Variants in PPP2R2B observed in about 807,000 individuals in gnomAD.
The protein encoded by PPP2R2B is serine/threonine-protein phosphatase 2A 55 kDa regulatory subunit B beta isoform.
A neutral mutation model predicts 46.0 loss-of-function variants in PPP2R2B; 5 were observed. The ratio of observed to expected loss-of-function variants is 0.11; its 90% CI spans 0.06 to 0.23. The LOEUF is 0.23. Among genes scored for constraint, PPP2R2B ranks in the 10% least tolerant of loss-of-function variants. The pLI is 1.00. For synonymous variants in PPP2R2B, 215 were observed against 206.7 expected, an observed-to-expected ratio of 1.04 and a Z score of -0.34; for missense variants, 367 against 575.0, an observed-to-expected ratio of 0.64 and a Z score of 3.70.
intron 7 of PPP2R2B, among the ~76,000 whole-genome samples, chr5:146,617,680 ATC>A (rs372446157): frequency 1.9e-4 from 27 of 144,336 alleles, no homozygotes; most frequent in African/African-American, 4.7e-4. Flanking sequence ...GCTTCCTCTC[ATC>A]TCTCTCTCTC....
chr5:146,617,814 C>A (rs981749139), intron 7 of PPP2R2B, among the ~76,000 whole-genome samples: 1 of 152,006 alleles, frequency 6.6e-6, no homozygotes, highest in Non-Finnish European at 1.5e-5. Context: ...TGTGCCTCAG[C>A]CTCCCCAGTA....
rs1019977258 is a variant in PPP2R2B at position 146,697,964 on chromosome 5, A to G, written c.334+15T>C. ...GACTGTATCTCTGAAAATACCAAAC[A>G]GGAATTCCACCTACCATTAGTAGAC... On this transcript the variant is annotated intron_variant, in intron 4 of 9. Coordinates refer to ENST00000394411, the MANE Select transcript of PPP2R2B (RefSeq NM_181675.4). The G allele has an allele frequency of 1.2e-6, 2 of 1,600,132 alleles. No homozygotes were observed. Among genetic ancestry groups the G allele is most frequent in the African/African-American group, 2.7e-5 (2 of 73,932 alleles).
chr5:146,589,133 A>G lies in PPP2R2B; in HGVS notation c.*814T>C, dbSNP rs1209438626. The G allele has an allele frequency of 6.6e-6, 1 of 152,258 alleles. No homozygotes were observed. The highest frequency in any genetic ancestry group is 1.5e-5 in the Non-Finnish European group (1 of 68,078). The allele number at this position is 152,258 out of a possible 1,614,324, so 9.4% of individuals were successfully genotyped here. A position where few individuals can be genotyped will look rare whatever the true frequency, so the allele number is the denominator to read the frequency against. On this transcript the variant is annotated 3_prime_UTR_variant, in exon 10 of 10. Coordinates refer to ENST00000394411, the MANE Select transcript of PPP2R2B (RefSeq NM_181675.4). ...AGAGAAAAAAGCCAAGGAACATGTA[A>G]GTAGAAGATTATATGGAGCCATTTA...
intron 2 of PPP2R2B, among the ~76,000 whole-genome samples, chr5:146,796,734 T>C (rs1371223865): frequency 6.6e-6 from 1 of 152,184 alleles, no homozygotes; most frequent in African/African-American, 2.4e-5. Context: ...GAAGTCTCTG[T>C]TCCCAGTTAC....
intron 1 of PPP2R2B, chr5:146,922,705 C>G (rs1166446915): frequency 6.6e-6 from 1 of 152,194 alleles, no homozygotes; most frequent in South Asian, 2.1e-4. Context: ...GGAGGAAGTA[C>G]ACCCTACTCT....
intron 2 of PPP2R2B, among the ~76,000 whole-genome samples, chr5:146,829,248 G>C (rs1348331355): frequency 6.6e-6 from 1 of 152,072 alleles, no homozygotes; most frequent in Admixed American, 6.6e-5. Flanking sequence ...ATAATATCCT[G>C]CTAAGTAAAT....
chr5:146,792,293 A>G (rs967401231), intron 2 of PPP2R2B, among the ~76,000 whole-genome samples: 6 of 152,238 alleles, frequency 3.9e-5, no homozygotes, highest in African/African-American at 9.6e-5. Flanking sequence ...ATACAGTGAC[A>G]AAATGTTAAA....
intron 1 of PPP2R2B, among the ~76,000 whole-genome samples, chr5:146,899,538 T>G (rs1327739953): frequency 6.6e-6 from 1 of 151,292 alleles, no homozygotes; most frequent in Non-Finnish European, 1.5e-5. Context: ...GATGAGTTAA[T>G]GGGTGCAGCA....
intron 6 of PPP2R2B, among the ~76,000 whole-genome samples, chr5:146,639,220 T>C (rs1300564325): frequency 6.6e-6 from 1 of 152,210 alleles, no homozygotes; most frequent in Non-Finnish European, 1.5e-5. Flanking sequence ...CTCTGTAAGT[T>C]GTGATCTGCT....
chr5:146,746,549 C>T (rs1272519281), intron 2 of PPP2R2B, among the ~76,000 whole-genome samples: 2 of 152,200 alleles, frequency 1.3e-5, no homozygotes, highest in Non-Finnish European at 2.9e-5. Flanking sequence ...ATTCTCTAGC[C>T]TGCAAAAGGA....
intron 5 of PPP2R2B, among the ~76,000 whole-genome samples, chr5:146,689,340 C>T (rs913786308): frequency 6.6e-6 from 1 of 152,174 alleles, no homozygotes; most frequent in Non-Finnish European, 1.5e-5. Context: ...ATGTTTTGGT[C>T]AATAACACTG....
At chr5:146,741,203 A>G (rs1752856909) in intron 2 of PPP2R2B, among the ~76,000 whole-genome samples, 1 of 152,208 alleles carries the variant, frequency 6.6e-6, no homozygotes, top group Non-Finnish European at 1.5e-5. Context: ...GAGCACATGC[A>G]GTAAGGAAGG....
upstream of PPP2R2B, chr5:146,879,216 A>T (rs1224072248): frequency 6.5e-6 from 1 of 153,714 alleles, no homozygotes; most frequent in Non-Finnish European, 1.4e-5. Flanking sequence ...AGAAAGTGGG[A>T]AGTGCCGCTC....
chr5:146,643,320 C>T (rs1158335184), intron 6 of PPP2R2B, among the ~76,000 whole-genome samples: 1 of 151,944 alleles, frequency 6.6e-6, no homozygotes, highest in African/African-American at 2.4e-5. Context: ...CAGTAGTGAC[C>T]AAAGCAGGCC....
intron 1 of PPP2R2B, among the ~76,000 whole-genome samples, chr5:147,029,110 T>A (rs1482823820): frequency 6.6e-6 from 1 of 152,184 alleles, no homozygotes; most frequent in African/African-American, 2.4e-5. Context: ...CTTTTTAGTC[T>A]TTTAACTCCT....
chr5:146,751,950 G>T (rs1489314876), intron 2 of PPP2R2B, among the ~76,000 whole-genome samples: 2 of 152,156 alleles, frequency 1.3e-5, no homozygotes, highest in Non-Finnish European at 2.9e-5. Context: ...TAGGGCAGAA[G>T]AGTGGCAGGA....
chr5:146,989,006 G>C (rs1013866033), intron 1 of PPP2R2B, among the ~76,000 whole-genome samples: 5 of 151,948 alleles, frequency 3.3e-5, no homozygotes, highest in African/African-American at 1.2e-4. Context: ...ACCTAGAAGA[G>C]AGTAATAAAT....
intron 1 of PPP2R2B, among the ~76,000 whole-genome samples, chr5:147,007,247 C>A (rs1754481535): frequency 6.6e-6 from 1 of 152,136 alleles, no homozygotes; most frequent in Non-Finnish European, 1.5e-5. Flanking sequence ...AGTCATCGCC[C>A]AATTCCCAAC....
At chr5:146,726,984 A>T (rs1408015929) in intron 2 of PPP2R2B, among the ~76,000 whole-genome samples, 3 of 152,162 alleles carry the variant, frequency 2.0e-5, no homozygotes, top group Non-Finnish European at 4.4e-5. Flanking sequence ...ATAAGAAGGG[A>T]CAACTGGAGG....
Sources: allele counts gnomAD v4.1 joint callset (sites outside exome capture counted in the v4.1 genomes callset), GRCh38; gene constraint gnomAD v4.1.1; transcripts MANE v1.5; gene names NCBI Gene and HGNC (gene_info 2026-07-23, HGNC 2026-07-21).